Variants in ADGRL3 observed in about 807,000 individuals in gnomAD.
ADGRL3 encodes adhesion G protein-coupled receptor L3.
Under a neutral mutation model 153.5 loss-of-function variants are expected in ADGRL3, and 62 were observed. That is an observed-to-expected ratio of 0.40 (90% confidence interval 0.33 to 0.50). The LOEUF (loss-of-function observed/expected upper bound fraction) is 0.50, where lower values mean the gene tolerates loss of function less well. Ranked by LOEUF, ADGRL3 falls within the 20% of genes least tolerant of loss-of-function variation. The pLI, the probability that ADGRL3 is intolerant of heterozygous loss-of-function variation, is 0.47. For missense variants in ADGRL3, 1,641 were observed against 1,859.4 expected, an observed-to-expected ratio of 0.88 and a Z score of 2.16; for synonymous variants, 710 against 672.5, an observed-to-expected ratio of 1.06 and a Z score of -0.86.
At chr4:61,893,518 T>C (rs2098604497) in intron 10 of ADGRL3, among the ~76,000 whole-genome samples, 1 of 152,046 alleles carries the variant, frequency 6.6e-6, no homozygotes, top group Non-Finnish European at 1.5e-5. Flanking sequence ...AATGACCTAA[T>C]ATGTAACAAA....
intron 9 of ADGRL3, among the ~76,000 whole-genome samples, chr4:61,831,103 G>C (rs1271262490): frequency 2.0e-5 from 3 of 151,476 alleles, no homozygotes; most frequent in Admixed American, 2.0e-4. Context: ...TGGCCAGGCT[G>C]GTCTCAAATG....
Position 62,070,793 on chromosome 4 carries a change from C to T in ADGRL3, c.4517C>T (p.Thr1506Ile). Residue 1506 changes from threonine (T) to isoleucine (I), a missense_variant, in exon 27 of 27, where the codon ACT becomes ATT. Physicochemically the swap from Thr to Ile is moderately conservative, Grantham distance 89. Around this residue, in one of 5 missense-constraint regions of ADGRL3, gnomAD observed 517 missense variants for 555.0 expected, o/e 0.93. Transcript: ENST00000683033. Reference protein sequence around the residue: ...GSRNHVHQLHTYYQLGRGSSD... With the variant: ...GSRNHVHQLHIYYQLGRGSSD... Reference sequence around the variant, plus strand: ...AGAAACCACGTCCATCAGCTGCATACTTACTACCAGCTAGGTCGCGGCAGC... The same window carrying T: ...AGAAACCACGTCCATCAGCTGCATATTTACTACCAGCTAGGTCGCGGCAGC... 2 of 1,551,688 alleles carry T rather than the reference C, an allele frequency of 1.3e-6. No individual in the cohort carries two copies. Among genetic ancestry groups the T allele is most frequent in the Non-Finnish European group, 1.7e-6 (2 of 1,146,968 alleles).
At chr4:61,300,850 C>G (rs2150342320) in intron 1 of ADGRL3, among the ~76,000 whole-genome samples, 1 of 151,628 alleles carries the variant, frequency 6.6e-6, no homozygotes, top group East Asian at 2.0e-4. Context: ...ACTGCAGGCT[C>G]CGCCTCACGG....
At chr4:61,564,082 T>C (rs1218080886) in intron 4 of ADGRL3, among the ~76,000 whole-genome samples, 3 of 152,136 alleles carry the variant, frequency 2.0e-5, no homozygotes, top group Non-Finnish European at 4.4e-5. Flanking sequence ...TTCTGCAGCT[T>C]CCTCACCTCT....
chr4:61,711,481 TATATATATATACAC>T (rs1561105344), intron 6 of ADGRL3, among the ~76,000 whole-genome samples: 1 of 101,700 alleles, frequency 9.8e-6, no homozygotes, highest in African/African-American at 3.7e-5. Context: ...TATATATATA[TATATATATATACAC>T]ACACACACAC....
intron 1 of ADGRL3, among the ~76,000 whole-genome samples, chr4:61,261,693 G>T (rs988768149): frequency 6.6e-6 from 1 of 152,172 alleles, no homozygotes; most frequent in East Asian, 1.9e-4. Context: ...ATTAAAGAAA[G>T]AATAACAATA....
chr4:61,760,124 C>A (rs1023996612), intron 8 of ADGRL3, among the ~76,000 whole-genome samples: 5 of 152,214 alleles, frequency 3.3e-5, no homozygotes, highest in African/African-American at 1.2e-4. Flanking sequence ...CCACTTGAGG[C>A]AGTCTGTCTG....
intron 19 of ADGRL3, among the ~76,000 whole-genome samples, chr4:61,991,724 TA>T (rs200396033): frequency 0.013 from 1,898 of 151,738 alleles, 40 homozygotes; most frequent in African/African-American, 0.044. Context: ...AAAATGGCAT[TA>T]AAAAAATTCC....
chr4:61,923,203 C>T (rs1334791532), intron 13 of ADGRL3, among the ~76,000 whole-genome samples: 1 of 152,178 alleles, frequency 6.6e-6, no homozygotes, highest in Admixed American at 6.5e-5. Flanking sequence ...TGACCAGGGT[C>T]ATGACATATT....
At chr4:61,927,268 T>C (rs1158084313) in intron 13 of ADGRL3, among the ~76,000 whole-genome samples, 2 of 152,114 alleles carry the variant, frequency 1.3e-5, no homozygotes, top group Non-Finnish European at 2.9e-5. Context: ...TGTAACATGA[T>C]AGAGATTTAT....
chr4:61,502,027 C>CCAGT (rs2152829721), intron 3 of ADGRL3, among the ~76,000 whole-genome samples: 1 of 152,178 alleles, frequency 6.6e-6, no homozygotes, highest in South Asian at 2.1e-4. Flanking sequence ...AAGCAGATGG[C>CCAGT]CAGTTCTTTG....
At chr4:62,033,262 T>TC (rs1345528602) in intron 23 of ADGRL3, among the ~76,000 whole-genome samples, 1 of 151,100 alleles carries the variant, frequency 6.6e-6, no homozygotes, top group East Asian at 1.9e-4. Flanking sequence ...CTCATTTTGT[T>TC]TTTTTTTATC....
intron 17 of ADGRL3, among the ~76,000 whole-genome samples, chr4:61,953,452 C>T (rs2098954913): frequency 6.6e-6 from 1 of 152,086 alleles, no homozygotes; most frequent in Admixed American, 6.6e-5. Flanking sequence ...ATTCTTTTAT[C>T]CACATTTTTG....
chr4:61,298,878 T>G (rs1236133721), intron 1 of ADGRL3, among the ~76,000 whole-genome samples: 1 of 152,158 alleles, frequency 6.6e-6, no homozygotes, highest in Non-Finnish European at 1.5e-5. Flanking sequence ...TTCAAGTGAT[T>G]TATTAGAGGC....
intron 5 of ADGRL3, 107 bp downstream of exon 5, chr4:61,587,547 A>C (rs922027043): frequency 1.2e-6 from 1 of 835,534 alleles, no homozygotes; most frequent in Non-Finnish European, 1.8e-6. Context: ...GTATTTTAGG[A>C]CACTTCAAAA....
At chr4:61,756,919 C>T (rs531077207) in intron 8 of ADGRL3, among the ~76,000 whole-genome samples, 46 of 152,238 alleles carry the variant, frequency 3.0e-4, no homozygotes, top group Admixed American at 1.6e-3. Flanking sequence ...TGCTGGATTA[C>T]GTTTATTGAT....
intron 2 of ADGRL3, among the ~76,000 whole-genome samples, chr4:61,451,266 A>C (rs1007021498): frequency 6.6e-6 from 1 of 152,168 alleles, no homozygotes; most frequent in Non-Finnish European, 1.5e-5. Flanking sequence ...ATAAAAATCC[A>C]TTAACCCTCA....
chr4:61,910,857 A>G (rs1288950207), intron 12 of ADGRL3, among the ~76,000 whole-genome samples: 1 of 150,490 alleles, frequency 6.6e-6, no homozygotes, highest in East Asian at 2.0e-4. Flanking sequence ...TGATTATTCA[A>G]CACAGAAAAG....
intron 16 of ADGRL3, among the ~76,000 whole-genome samples, chr4:61,947,699 C>T (rs2150311612): frequency 6.6e-6 from 1 of 152,142 alleles, no homozygotes; most frequent in South Asian, 2.1e-4. Context: ...GCAATTATGT[C>T]CACGTGAAGA....
Sources: gnomAD v4.1 joint callset for allele counts (sites outside exome capture counted in the v4.1 genomes callset) on GRCh38, gnomAD v4.1.1 for gene constraint, gnomAD v4.1.1 regional missense constraint, MANE v1.5 for transcripts, NCBI Gene and HGNC (gene_info 2026-07-23, HGNC 2026-07-21) for gene names.